Variants in HIVEP3 observed in about 807,000 individuals in gnomAD.
HIVEP3 encodes the protein HIVEP zinc finger 3.
Under a neutral mutation model 152.8 loss-of-function variants are expected in HIVEP3, and 49 were observed. The ratio of observed to expected loss-of-function variants is 0.32; its 90% CI spans 0.26 to 0.41. The LOEUF is 0.41. Among genes scored for constraint, HIVEP3 ranks in the 10% least tolerant of loss-of-function variants. HIVEP3 has a pLI of 1.00. For synonymous variants in HIVEP3, 1,269 were observed against 1,289.0 expected (o/e 0.98, Z 0.33); for missense variants, 2,790 against 3,103.3 (o/e 0.90, Z 2.40).
At chr1:41,738,213 G>C (rs1646946753) in intron 1 of HIVEP3, among the ~76,000 whole-genome samples, 1 of 152,204 alleles carries the variant, frequency 6.6e-6, no homozygotes. Context: ...AGCGTCCCCA[G>C]AGACATATAG....
intron 5 of HIVEP3, among the ~76,000 whole-genome samples, chr1:41,534,711 G>A (rs1643355316): frequency 6.6e-6 from 1 of 152,138 alleles, no homozygotes; most frequent in Admixed American, 6.5e-5. Flanking sequence ...TTCTTTCCTG[G>A]GGCCTGTGAT....
intron 1 of HIVEP3, among the ~76,000 whole-genome samples, chr1:41,814,911 A>G (rs1436279937): frequency 6.6e-6 from 1 of 152,248 alleles, no homozygotes; most frequent in Non-Finnish European, 1.5e-5. Flanking sequence ...TATATGCATG[A>G]TATGCAAAAT....
At chr1:41,621,024 TG>T (rs931581576) in intron 3 of HIVEP3, among the ~76,000 whole-genome samples, 18 of 152,236 alleles carry the variant, frequency 1.2e-4, no homozygotes, top group African/African-American at 3.6e-4. Flanking sequence ...AGTGTGACCC[TG>T]GGCAAGTCAC....
At chr1:41,627,591 C>T (rs1407922858) in intron 3 of HIVEP3, among the ~76,000 whole-genome samples, 1 of 152,172 alleles carries the variant, frequency 6.6e-6, no homozygotes, top group Non-Finnish European at 1.5e-5. Context: ...GCAGCAACAG[C>T]GATGCCATCT....
At chr1:41,809,534 T>A (rs1339609641) in intron 1 of HIVEP3, among the ~76,000 whole-genome samples, 1 of 152,250 alleles carries the variant, frequency 6.6e-6, no homozygotes, top group Admixed American at 6.5e-5. Flanking sequence ...GTGACCATAT[T>A]TTCTGCATGC....
intron 1 of HIVEP3, among the ~76,000 whole-genome samples, chr1:41,874,389 C>T (rs1464506247): frequency 1.3e-5 from 2 of 152,196 alleles, no homozygotes; most frequent in African/African-American, 4.8e-5. Flanking sequence ...GCTTAGCTGG[C>T]TAGCACATAA....
intron 1 of HIVEP3, among the ~76,000 whole-genome samples, chr1:41,795,421 A>C (rs1333821663): frequency 2.0e-5 from 3 of 152,214 alleles, no homozygotes; most frequent in African/African-American, 7.2e-5. Context: ...AAGGTGCATT[A>C]CTGGTGATGT....
chr1:41,843,573 C>T (rs756268713), intron 1 of HIVEP3, among the ~76,000 whole-genome samples: 1 of 149,020 alleles, frequency 6.7e-6, no homozygotes, highest in Non-Finnish European at 1.5e-5. Flanking sequence ...GTGCTAAAGA[C>T]GGGTAGTTTA....
chr1:41,768,968 G>A (rs1036928255), intron 1 of HIVEP3, among the ~76,000 whole-genome samples: 3 of 152,210 alleles, frequency 2.0e-5, no homozygotes, highest in Non-Finnish European at 2.9e-5. Flanking sequence ...ACAGAAAAGA[G>A]TGGCCTTGTG....
chr1:41,632,957 A>G (rs1298356261), intron 2 of HIVEP3, among the ~76,000 whole-genome samples: 1 of 151,852 alleles, frequency 6.6e-6, no homozygotes, highest in Non-Finnish European at 1.5e-5. Flanking sequence ...AAGTGAGGTC[A>G]TTTTCATCAG....
chr1:41,960,436 C>G (rs970475370), intron 1 of HIVEP3, among the ~76,000 whole-genome samples: 1 of 152,144 alleles, frequency 6.6e-6, no homozygotes, highest in East Asian at 1.9e-4. Flanking sequence ...GAAGTATATG[C>G]TCCCCACTCC....
intron 2 of HIVEP3, among the ~76,000 whole-genome samples, chr1:41,657,592 C>G (rs1645648168): frequency 6.6e-6 from 1 of 152,182 alleles, no homozygotes; most frequent in Non-Finnish European, 1.5e-5. Context: ...AATTTTTCAT[C>G]CTAACAACTG....
In HIVEP3 at chr1:41,582,787, T is replaced by A. The variant is rs756397922; in HGVS notation, c.2011A>T (p.Ile671Phe). Residue 671 changes from isoleucine to phenylalanine, a missense_variant, in exon 4 of 9, where the codon ATC becomes TTC. Ile to Phe is a conservative substitution (Grantham distance 21, BLOSUM62 0). This residue lies in a region of HIVEP3 where 339 missense variants were observed against 327.0 expected (regional missense o/e 1.04). Transcript: ENST00000372583. The surrounding 1 kb of genome is among the most constrained non-coding windows in gnomAD (Gnocchi z 4.7). ...GTGCCTGCAGAGATGGGCTTTGCGA[T>A]CTGAAGCTCTGAGCAGTAGTATTTT... ...HKKYYCSELQ[I>F]AKPISAGTHT... The A allele has an allele frequency of 2.5e-6, 4 of 1,614,238 alleles. No homozygotes were observed. The East Asian group carries it at 6.7e-5, about 27-fold the overall frequency.
chr1:41,915,469 T>C (rs1343339684), intron 1 of HIVEP3, among the ~76,000 whole-genome samples: 2 of 152,232 alleles, frequency 1.3e-5, no homozygotes, highest in Non-Finnish European at 2.9e-5. Context: ...TTGCTTCCAA[T>C]TTGCTAGGTG....
At chr1:41,899,051 T>A (rs1363329300) in intron 1 of HIVEP3, among the ~76,000 whole-genome samples, 1 of 152,260 alleles carries the variant, frequency 6.6e-6, no homozygotes, top group Non-Finnish European at 1.5e-5. Flanking sequence ...GATGTTTCCT[T>A]GTAGCATCAA....
chr1:41,786,521 G>T (rs1174936025), intron 1 of HIVEP3, among the ~76,000 whole-genome samples: 1 of 152,176 alleles, frequency 6.6e-6, no homozygotes, highest in Non-Finnish European at 1.5e-5. Flanking sequence ...GATGCTGCCT[G>T]TTTCTGTAAA....
chr1:41,848,387 T>C (rs1019640950), intron 1 of HIVEP3: 2 of 152,294 alleles, frequency 1.3e-5, no homozygotes, highest in Non-Finnish European at 2.9e-5. Context: ...TGTCCTCCAT[T>C]CAGTGGGTTC....
intron 1 of HIVEP3, among the ~76,000 whole-genome samples, chr1:41,805,476 G>A (rs1650548202): frequency 6.6e-6 from 1 of 152,226 alleles, no homozygotes; most frequent in African/African-American, 2.4e-5. Context: ...AGGAAGGCAG[G>A]ACAACAGAGG....
At chr1:41,857,342 A>T (rs746265896) in intron 1 of HIVEP3, among the ~76,000 whole-genome samples, 6 of 152,200 alleles carry the variant, frequency 3.9e-5, no homozygotes, top group Non-Finnish European at 7.3e-5. Flanking sequence ...GCATCATTTG[A>T]GGTCAAGCCC....
Sources: gnomAD v4.1 joint callset for allele counts (sites outside exome capture counted in the v4.1 genomes callset) on GRCh38, gnomAD v4.1.1 for gene constraint, gnomAD v4.1.1 regional missense constraint, Gnocchi (gnomAD v3.1) non-coding constraint, MANE v1.5 for transcripts, NCBI Gene and HGNC (gene_info 2026-07-23, HGNC 2026-07-21) for gene names.